TSPAN5: variants seen among roughly 807,000 people sequenced by gnomAD.
TSPAN5 encodes the protein tetraspanin 5.
In TSPAN5, 10 loss-of-function variants were observed where a neutral mutation model predicts 37.1. The observed-to-expected ratio is 0.27, with a 90% CI of 0.17 to 0.46. The LOEUF (loss-of-function observed/expected upper bound fraction) is 0.46. TSPAN5 is among the 20% of genes least tolerant of loss of function. TSPAN5 has a pLI of 1.00. For missense variants in TSPAN5, 195 were observed against 326.6 expected, an observed-to-expected ratio of 0.60 and a Z score of 3.11; for synonymous variants, 110 against 118.9, an observed-to-expected ratio of 0.93 and a Z score of 0.48.
intron 1 of TSPAN5, among the ~76,000 whole-genome samples, chr4:98,522,601 T>C (rs1282679893): frequency 6.6e-6 from 1 of 152,236 alleles, no homozygotes. Flanking sequence ...TCTTGAGAGA[T>C]GAATGCAGGA....
intron 1 of TSPAN5, among the ~76,000 whole-genome samples, chr4:98,562,242 G>T (rs971647093): frequency 1.3e-5 from 2 of 152,196 alleles, no homozygotes; most frequent in Non-Finnish European, 2.9e-5. Context: ...CATTCTAGTT[G>T]AAACATGCTT....
At chr4:98,491,239 A>G (rs761651080) in intron 2 of TSPAN5, among the ~76,000 whole-genome samples, 1 of 152,234 alleles carries the variant, frequency 6.6e-6, no homozygotes, top group Non-Finnish European at 1.5e-5. Flanking sequence ...ATTATTAGCC[A>G]TCATCACTAC....
At chr4:98,538,154 A>C (rs184630254) in intron 1 of TSPAN5, among the ~76,000 whole-genome samples, 1 of 152,342 alleles carries the variant, frequency 6.6e-6, no homozygotes, top group Non-Finnish European at 1.5e-5. Context: ...ATCTGGACTA[A>C]AAGGAAGGAT....
chr4:98,569,801 A>G (rs553853511), intron 1 of TSPAN5, among the ~76,000 whole-genome samples: 4 of 152,286 alleles, frequency 2.6e-5, no homozygotes, highest in African/African-American at 9.6e-5. Flanking sequence ...ACTCAGTCCA[A>G]TGACTGGTTG....
intron 1 of TSPAN5, among the ~76,000 whole-genome samples, chr4:98,573,293 T>C (rs1344284480): frequency 6.6e-6 from 1 of 152,264 alleles, no homozygotes; most frequent in Non-Finnish European, 1.5e-5. Flanking sequence ...TTTTCCTCTG[T>C]GGTTTGACCT....
In TSPAN5 at chr4:98,531,128, C is replaced by T. The variant is rs545319204; in HGVS notation, c.82-23400G>A. Among the ~76,000 whole-genome samples, 16 of 152,190 alleles carry T rather than the reference C, an allele frequency of 1.1e-4. 1 individual carries two copies. The highest frequency in any genetic ancestry group is 3.4e-3 in the Middle Eastern group (1 of 294). ...AGTACATGTGCAGAACTTGCAGTTTCATTACATAGGTATACACATGCCATG... is the reference window on the plus strand; with the variant it reads ...AGTACATGTGCAGAACTTGCAGTTTTATTACATAGGTATACACATGCCATG... On this transcript the variant is annotated intron_variant, in intron 1 of 7. Transcript: ENST00000305798.
chr4:98,529,640 A>G (rs577607977), intron 1 of TSPAN5, among the ~76,000 whole-genome samples: 8 of 152,320 alleles, frequency 5.3e-5, no homozygotes, highest in African/African-American at 1.9e-4. Flanking sequence ...ACCCCAATTC[A>G]AACCCAGGCA....
At chr4:98,530,086 G>A (rs1754047716) in intron 1 of TSPAN5, among the ~76,000 whole-genome samples, 1 of 152,196 alleles carries the variant, frequency 6.6e-6, no homozygotes, top group Non-Finnish European at 1.5e-5. Context: ...AAAAGATGGT[G>A]AAATGACTGA....
intron 1 of TSPAN5, among the ~76,000 whole-genome samples, chr4:98,614,425 TG>T (rs1469280325): frequency 6.6e-6 from 1 of 152,058 alleles, no homozygotes; most frequent in African/African-American, 2.4e-5. Context: ...ATTTTACATA[TG>T]GGGGACAAAG....
intron 1 of TSPAN5, among the ~76,000 whole-genome samples, chr4:98,546,348 C>T (rs1022199893): frequency 6.6e-6 from 1 of 152,150 alleles, no homozygotes; most frequent in Non-Finnish European, 1.5e-5. Context: ...CTGAGCCATC[C>T]CTCAACACAG....
chr4:98,480,030 G>A (rs1016157582), intron 4 of TSPAN5, among the ~76,000 whole-genome samples: 2 of 152,080 alleles, frequency 1.3e-5, no homozygotes, highest in African/African-American at 2.4e-5. Flanking sequence ...TGTTGGCACT[G>A]CGTGACCAGA....
intron 1 of TSPAN5, among the ~76,000 whole-genome samples, chr4:98,632,068 T>C (rs1204558899): frequency 6.6e-6 from 1 of 152,086 alleles, no homozygotes; most frequent in Non-Finnish European, 1.5e-5. Context: ...TTTGTTTGTT[T>C]GGCCAAACAC....
At chr4:98,626,219 C>T (rs1756597162) in intron 1 of TSPAN5, among the ~76,000 whole-genome samples, 1 of 151,012 alleles carries the variant, frequency 6.6e-6, no homozygotes, top group African/African-American at 2.4e-5. Flanking sequence ...CACTCACGAA[C>T]AGCCCAGGTA....
chr4:98,556,037 A>ACCCCC lies in TSPAN5; in HGVS notation c.82-48314_82-48310dup, dbSNP rs374997947. On this transcript the variant is annotated intron_variant, in intron 1 of 7. Coordinates refer to ENST00000305798, the MANE Select transcript of TSPAN5 (RefSeq NM_005723.4). Reference sequence around the variant, plus strand: ...CAGCACACACCCCCACACACACAGCACCCCCACACACACACACACACACAC... The same window carrying ACCCCC: ...CAGCACACACCCCCACACACACAGCACCCCCCCCCCACACACACACACACACACAC... Among the ~76,000 whole-genome samples the ACCCCC allele has an allele frequency of 4.7e-5, 3 of 63,396 alleles. 1 individual carries two copies. Among genetic ancestry groups the ACCCCC allele is most frequent in the African/African-American group, 2.4e-4 (3 of 12,712 alleles). The allele number at this position is 63,396 out of a possible 152,430, so 41.6% of individuals were successfully genotyped here.
intron 1 of TSPAN5, among the ~76,000 whole-genome samples, chr4:98,509,183 T>C (rs966437287): frequency 3.9e-5 from 6 of 152,196 alleles, no homozygotes; most frequent in African/African-American, 1.4e-4. Context: ...CCGTTTATTT[T>C]ACTAACATCT....
chr4:98,586,885 A>G (rs769889471), intron 1 of TSPAN5, among the ~76,000 whole-genome samples: 4 of 152,206 alleles, frequency 2.6e-5, no homozygotes, highest in Non-Finnish European at 5.9e-5. Context: ...CGGCATGCAC[A>G]AGAAACTCAC....
chr4:98,582,188 T>C (rs1755384022), intron 1 of TSPAN5, among the ~76,000 whole-genome samples: 1 of 152,220 alleles, frequency 6.6e-6, no homozygotes, highest in African/African-American at 2.4e-5. Flanking sequence ...GGTTCTCTTG[T>C]CCAGCGCATA....
intron 1 of TSPAN5, among the ~76,000 whole-genome samples, chr4:98,590,796 A>G (rs1003299570): frequency 1.3e-5 from 2 of 152,168 alleles, no homozygotes; most frequent in Non-Finnish European, 2.9e-5. Context: ...ACACAGGTCA[A>G]CTGAACTCCA....
chr4:98,649,310 G>A (rs1757134951), intron 1 of TSPAN5, among the ~76,000 whole-genome samples: 1 of 152,126 alleles, frequency 6.6e-6, no homozygotes, highest in Non-Finnish European at 1.5e-5. Flanking sequence ...GGAGGCCTAG[G>A]ATTGCTGGTA....
Sources: gnomAD v4.1 joint callset for allele counts (sites outside exome capture counted in the v4.1 genomes callset) on GRCh38, gnomAD v4.1.1 for gene constraint, MANE v1.5 for transcripts, NCBI Gene and HGNC (gene_info 2026-07-23, HGNC 2026-07-21) for gene names.